P2RY2: variants seen among roughly 807,000 people sequenced by gnomAD.
The protein encoded by P2RY2 is P2Y purinoceptor 2.
For synonymous variants in P2RY2, 241 were observed against 231.9 expected (o/e 1.04, Z -0.35); for missense variants, 567 against 515.7 (o/e 1.10, Z -0.96).
At chr11:73,220,914 T>A (rs1862099089) in intron 1 of P2RY2, among the ~76,000 whole-genome samples, 1 of 152,170 alleles carries the variant, frequency 6.6e-6, no homozygotes, top group African/African-American at 2.4e-5. Context: ...AGTGACCCCA[T>A]GAGAGCTTTG....
rs968934800 is a variant in P2RY2 at position 73,238,180 on chromosome 11, C to G, written c.*2887C>G. Among the ~76,000 whole-genome samples, 2 of 152,244 alleles carry G rather than the reference C, an allele frequency of 1.3e-5. No homozygotes were observed. Among genetic ancestry groups the G allele is most frequent in the South Asian group, 4.1e-4 (2 of 4,828 alleles). On this transcript the variant is annotated 3_prime_UTR_variant, in exon 3 of 3. Transcript: ENST00000393597. ...CGATCCTGCTGTCACTCACACTGCC[C>G]AGCTCTTCCTGCCCAGGGTGACTGG...
Position 73,236,520 on chromosome 11 carries a change from C to T in P2RY2, c.*1227C>T. On this transcript the variant is annotated 3_prime_UTR_variant, in exon 3 of 3. Transcript: ENST00000393597. ...TGAGAAAAGCAGCTCACCGGAAGAA[C>T]ATCCACACACAGGATGCATCCCAGG... 1.0e-6 allele frequency: 1 copy of T among 975,388 alleles called. No individual in the cohort carries two copies. Among genetic ancestry groups the T allele is most frequent in the Non-Finnish European group, 1.2e-6 (1 of 820,826 alleles). The allele number at this position is 975,388 out of a possible 1,614,324, so 60.4% of individuals were successfully genotyped here. A position where few individuals can be genotyped will look rare whatever the true frequency, so the allele number is the denominator to read the frequency against.
chr11:73,224,775 C>T (rs915644715), intron 1 of P2RY2, among the ~76,000 whole-genome samples: 9 of 152,184 alleles, frequency 5.9e-5, no homozygotes, highest in Admixed American at 2.6e-4. Flanking sequence ...ATAATTCCTG[C>T]GAAGCTTCCT....
At chr11:73,223,630 C>T (rs1285084468) in intron 1 of P2RY2, among the ~76,000 whole-genome samples, 1 of 152,220 alleles carries the variant, frequency 6.6e-6, no homozygotes, top group Non-Finnish European at 1.5e-5. Context: ...CAAGACTGCA[C>T]AGCACAGGTG....
intron 2 of P2RY2, 162 bp from the exon 3 acceptor site, chr11:73,233,990 ATATT>A: frequency 1.4e-6 from 1 of 730,450 alleles, no homozygotes; most frequent in East Asian, 2.7e-5. Flanking sequence ...TGTGATCCTG[ATATT>A]TATTCATTGA....
At chr11:73,222,684 C>T (rs1447804574) in intron 1 of P2RY2, among the ~76,000 whole-genome samples, 1 of 152,176 alleles carries the variant, frequency 6.6e-6, no homozygotes, top group Non-Finnish European at 1.5e-5. Context: ...TCAGAGCCCT[C>T]CTCCCTCTTT....
intron 2 of P2RY2, 23 bp downstream of exon 2, chr11:73,228,198 GGA>G (rs1178708831): frequency 9.1e-5 from 12 of 132,500 alleles, no homozygotes; most frequent in African/African-American, 2.9e-4. Flanking sequence ...GGGGTGGGGG[GGA>G]GCGGGTACGC....
chr11:73,224,222 G>A (rs1862210524), intron 1 of P2RY2, among the ~76,000 whole-genome samples: 3 of 152,192 alleles, frequency 2.0e-5, no homozygotes, highest in African/African-American at 4.8e-5. Context: ...AAGGACATTG[G>A]GGAGGAGCCA....
chr11:73,228,211 T>A (rs1168382494), intron 2 of P2RY2, 36 bp downstream of exon 2: 1 of 115,304 alleles, frequency 8.7e-6, no homozygotes, highest in Non-Finnish European at 1.8e-5. Flanking sequence ...GCGGGTACGC[T>A]GGCCGGGAGG....
Position 73,234,335 on chromosome 11 carries a change from T to C in P2RY2, c.176T>C (p.Leu59Ser), listed in dbSNP as rs772533889. 1.7e-5 allele frequency: 28 copies of C among 1,614,124 alleles called. No homozygotes were observed. The South Asian group carries it at 3.0e-4, about 17-fold the overall frequency. ...CLNAVALYIF[L>S]CRLKTWNAST... ...AACGCCGTGGCGCTCTACATCTTCT[T>C]GTGCCGCCTCAAGACCTGGAATGCG... The change falls in exon 3 of 3, where the codon TTG (leucine) becomes TCG (serine). Residue 59 changes from leucine to serine, a missense_variant. Coordinates refer to ENST00000393597, the MANE Select transcript of P2RY2 (RefSeq NM_002564.4).
Position 73,236,355 on chromosome 11 carries a change from C to A in P2RY2, c.*1062C>A. On this transcript the variant is annotated 3_prime_UTR_variant, in exon 3 of 3. Coordinates refer to ENST00000393597, the MANE Select transcript of P2RY2 (RefSeq NM_002564.4). ...ATGATGTCAACTTCCTTGTAAAATTCCTGAAAATTTAACAATTGGTTCTTG... is the reference window on the plus strand; with the variant it reads ...ATGATGTCAACTTCCTTGTAAAATTACTGAAAATTTAACAATTGGTTCTTG... The A allele has an allele frequency of 2.7e-6, 1 of 370,284 alleles. No individual in the cohort carries two copies. The highest frequency in any genetic ancestry group is 3.9e-6 in the Non-Finnish European group (1 of 254,070). The allele number at this position is 370,284 out of a possible 1,614,324, so 22.9% of individuals were successfully genotyped here.
rs1316568270 is a variant in P2RY2, at chr11:73,228,181, T to TCGTG, written c.-5+6_-5+7insCGTG. 9.9e-6 allele frequency: 1 copy of TCGTG among 101,118 alleles called. No homozygotes were observed. The highest frequency in any genetic ancestry group is 7.6e-5 in the African/African-American group (1 of 13,132). 6.3% of individuals were successfully genotyped at this position (101,118 alleles called of 1,614,324 possible). On this transcript the variant is annotated splice_region_variant and intron_variant, in intron 2 of 2. Coordinates refer to ENST00000393597, the MANE Select transcript of P2RY2 (RefSeq NM_002564.4). Reference sequence around the variant, plus strand: ...GGAGAGCAGGGGCTGGTCAGGTACGTGGGGTGGGGGTGGGGGGGAGCGGGT... The same window carrying TCGTG: ...GGAGAGCAGGGGCTGGTCAGGTACGTCGTGGGGGTGGGGGTGGGGGGGAGCGGGT...
Position 73,234,407 on chromosome 11 carries a change from C to A in P2RY2, c.248C>A (p.Ala83Glu), listed in dbSNP as rs759499586. The A allele has an allele frequency of 1.9e-6, 3 of 1,614,066 alleles. No individual in the cohort carries two copies. Among genetic ancestry groups the A allele is most frequent in the Non-Finnish European group, 2.5e-6 (3 of 1,180,024 alleles). The change falls in exon 3 of 3, where the codon GCG becomes GAG. Residue 83 changes from alanine to glutamate, a missense_variant. Coordinates refer to ENST00000393597, the MANE Select transcript of P2RY2 (RefSeq NM_002564.4). ...FHLAVSDALY[A>E]ASLPLLVYYY... The stretch of plus-strand genomic sequence containing the variant: ...CTGGCTGTGTCTGATGCACTGTATG[C>A]GGCCTCCCTGCCGCTGCTGGTCTAT...
chr11:73,229,920 T>C (rs1862400320), intron 2 of P2RY2, among the ~76,000 whole-genome samples: 1 of 151,916 alleles, frequency 6.6e-6, no homozygotes, highest in African/African-American at 2.4e-5. Flanking sequence ...GCAGAGGACC[T>C]CCCGGGGATA....
intron 2 of P2RY2, 38 bp from the exon 3 acceptor site, chr11:73,234,118 C>T: frequency 6.4e-7 from 1 of 1,565,082 alleles, no homozygotes; most frequent in Non-Finnish European, 8.7e-7. Context: ...GGCGCTCCGG[C>T]CACAACCCTG....
At position 73,235,037 on chromosome 11, in the gene P2RY2, C is replaced by T. The variant is rs773254428; in HGVS notation, c.878C>T (p.Pro293Leu). The change falls in exon 3 of 3, where the codon CCG becomes CTG. Residue 293 changes from proline to leucine, a missense_variant. Pro to Leu is a moderately conservative substitution (Grantham distance 98). Transcript: ENST00000393597. ...AINMAYKVTR[P>L]LASANSCLDP... ...AACATGGCCTACAAGGTTACCCGGC[C>T]GCTGGCCAGTGCTAACAGTTGCCTT... 30 of 1,608,138 alleles carry T rather than the reference C, an allele frequency of 1.9e-5. No individual in the cohort carries two copies. Among genetic ancestry groups the T allele is most frequent in the Non-Finnish European group, 2.3e-5 (27 of 1,179,950 alleles).
At chr11:73,219,706 C>T (rs561861948) in intron 1 of P2RY2, among the ~76,000 whole-genome samples, 71 of 152,344 alleles carry the variant, frequency 4.7e-4, no homozygotes, top group African/African-American at 1.0e-3. Flanking sequence ...CCACCTCTCC[C>T]GCCTGACTCT....
At position 73,234,568 on chromosome 11, in the gene P2RY2, C is replaced by G. The variant is rs1280012143; in HGVS notation, c.409C>G (p.Arg137Gly). Residue 137 changes from arginine (R) to glycine (G), a missense_variant, in exon 3 of 3, where the codon CGA becomes GGA. Transcript: ENST00000393597. ...CGTGCACCGGTGTCTGGGCGTCTTA[C>G]GACCTCTGCGCTCCCTGCGCTGGGG... ...ISVHRCLGVL[R>G]PLRSLRWGRA... 5.0e-6 allele frequency: 8 copies of G among 1,585,986 alleles called. No homozygotes were observed. The highest frequency in any genetic ancestry group is 6.9e-6 in the Non-Finnish European group (8 of 1,165,372).
chr11:73,237,127 A>G lies in P2RY2; in HGVS notation c.*1834A>G, dbSNP rs1862673212. On this transcript the variant is annotated 3_prime_UTR_variant, in exon 3 of 3. Coordinates refer to ENST00000393597, the MANE Select transcript of P2RY2 (RefSeq NM_002564.4). ...ATGTGACAGAGACCCATCACAGACC[A>G]TGACCCAAATGATTACTCTGTACTG... is the stretch of plus-strand genomic sequence containing the variant. The G allele has an allele frequency of 1.0e-6, 1 of 985,296 alleles. No homozygotes were observed. The highest frequency in any genetic ancestry group is 1.2e-6 in the Non-Finnish European group (1 of 829,858). 61.0% of individuals were successfully genotyped at this position (985,296 alleles called of 1,614,324 possible). A position where few individuals can be genotyped will look rare whatever the true frequency, so the allele number is the denominator to read the frequency against.
Sources: gnomAD v4.1 joint callset for allele counts (sites outside exome capture counted in the v4.1 genomes callset) on GRCh38, gnomAD v4.1.1 for gene constraint, MANE v1.5 for transcripts, NCBI Gene and HGNC (gene_info 2026-07-23, HGNC 2026-07-21) for gene names.